TMEM52B: variants seen among roughly 807,000 people sequenced by gnomAD.
The protein encoded by TMEM52B is transmembrane protein 52B, also known as chromosome 12 open reading frame 59.
In TMEM52B, 11 loss-of-function variants were observed where a neutral mutation model predicts 16.1. The ratio of observed to expected loss-of-function variants is 0.68; its 90% CI spans 0.43 to 1.13. The LOEUF (loss-of-function observed/expected upper bound fraction) is 1.13. Among genes scored for constraint, TMEM52B ranks in the 50% most tolerant of loss-of-function variants. The probability of loss-of-function intolerance (pLI) is 0.00; values close to 1 mark genes in which losing one functional copy is unlikely to be tolerated. For synonymous variants in TMEM52B, 101 were observed against 93.8 expected (o/e 1.08, Z -0.45); for missense variants, 243 against 230.4 (o/e 1.05, Z -0.35).
chr12:10,190,269 G>A lies in TMEM52B; in HGVS notation c.*129G>A, dbSNP rs565863921. On this transcript the variant is annotated 3_prime_UTR_variant, in exon 5 of 5. Coordinates refer to ENST00000543484, the MANE Select transcript of TMEM52B (RefSeq NM_001384896.1). Reference sequence around the variant, plus strand: ...ACACCATCATTCTATGGGAAAGATGGTTCTTACTCTTCGTTCACAGGCCTT... The same window carrying A: ...ACACCATCATTCTATGGGAAAGATGATTCTTACTCTTCGTTCACAGGCCTT... 8.1e-6 allele frequency: 10 copies of A among 1,231,014 alleles called. No homozygotes were observed. The South Asian group carries it at 1.3e-4, about 16-fold the overall frequency. The allele number at this position is 1,231,014 out of a possible 1,614,324, so 76.3% of individuals were successfully genotyped here. A position where few individuals can be genotyped will look rare whatever the true frequency, so the allele number is the denominator to read the frequency against.
chr12:10,183,205 G>A (rs2137550057), intron 2 of TMEM52B, among the ~76,000 whole-genome samples: 1 of 152,186 alleles, frequency 6.6e-6, no homozygotes, highest in African/African-American at 2.4e-5. Flanking sequence ...ACGTGTTTAG[G>A]ATGAAGAAAA....
At chr12:10,180,741 T>G (rs987677940) in intron 1 of TMEM52B, among the ~76,000 whole-genome samples, 2 of 152,236 alleles carry the variant, frequency 1.3e-5, no homozygotes, top group African/African-American at 4.8e-5. Context: ...AAATATCAGA[T>G]CACTCAGGTT....
chr12:10,171,412 C>T (rs1948715563), intron 1 of TMEM52B, among the ~76,000 whole-genome samples: 1 of 152,146 alleles, frequency 6.6e-6, no homozygotes. Flanking sequence ...ACAGAACTTA[C>T]AATTTTTCAA....
At chr12:10,175,882 G>A (rs991703017), upstream of TMEM52B, among the ~76,000 whole-genome samples, 2 of 152,192 alleles carry the variant, frequency 1.3e-5, no homozygotes, top group African/African-American at 4.8e-5. Flanking sequence ...ACTTAGGCAA[G>A]GTCAAAAGGA....
intron 4 of TMEM52B, among the ~76,000 whole-genome samples, chr12:10,189,158 G>A (rs1948924817): frequency 6.8e-6 from 1 of 146,952 alleles, no homozygotes; most frequent in South Asian, 2.2e-4. Flanking sequence ...ACCCGAGATT[G>A]TGCCACTGCA....
At chr12:10,175,186 G>A (rs916166387), upstream of TMEM52B, 8 of 152,186 alleles carry the variant, frequency 5.3e-5, no homozygotes, top group African/African-American at 1.9e-4. Flanking sequence ...GTGCTGGAAT[G>A]TATGTGATCA....
chr12:10,188,899 C>T (rs1948918281), intron 4 of TMEM52B, among the ~76,000 whole-genome samples: 2 of 151,760 alleles, frequency 1.3e-5, no homozygotes, highest in Non-Finnish European at 2.9e-5. Context: ...CGCCTGTAGT[C>T]CCAGCTACTC....
chr12:10,176,647 G>T (rs975892599), upstream of TMEM52B, among the ~76,000 whole-genome samples: 2 of 152,192 alleles, frequency 1.3e-5, no homozygotes, highest in African/African-American at 4.8e-5. Context: ...AATCTTGAAA[G>T]TAAAGGTCAC....
At chr12:10,182,072 G>A in intron 1 of TMEM52B, 1 of 965,598 alleles carries the variant, frequency 1.0e-6, no homozygotes, top group Non-Finnish European at 1.2e-6. Flanking sequence ...CAGTCTGAGT[G>A]GCATCTAGTA....
At chr12:10,186,327 A>G (rs747893265) in intron 3 of TMEM52B, 93 bp from the exon 4 acceptor site, 9 of 917,926 alleles carry the variant, frequency 9.8e-6, no homozygotes, top group Non-Finnish European at 1.2e-5. Context: ...TGTTTAGACA[A>G]GAATCAAAAC....
chr12:10,172,466 T>C (rs1398912134), intron 1 of TMEM52B: 1 of 161,898 alleles, frequency 6.2e-6, no homozygotes, highest in Non-Finnish European at 1.4e-5. Context: ...TGGGCCAAAA[T>C]ATTTGATTCC....
chr12:10,188,556 A>AAAAC (rs1591993240), intron 4 of TMEM52B, among the ~76,000 whole-genome samples: 1 of 55,804 alleles, frequency 1.8e-5, no homozygotes, highest in Non-Finnish European at 4.2e-5. Flanking sequence ...AAAAAGAAAA[A>AAAAC]GAAAAAGAAA....
At chr12:10,186,278 A>T in intron 3 of TMEM52B, 142 bp from the exon 4 acceptor site, 1 of 532,590 alleles carries the variant, frequency 1.9e-6, no homozygotes, top group Non-Finnish European at 2.7e-6. Context: ...CCTTGAAATT[A>T]AAATTATAAA....
rs775548705 is a variant in TMEM52B at position 10,190,102 on chromosome 12, GAGA to G, written c.517_519del (p.Lys173del). ...TGAAGAAAAGCAGCTGCCTCCAACA[GAGA>G]AGGAGTCGACTCGAATAGTTGACTC... On this transcript the variant is annotated inframe_deletion, in exon 5 of 5. Coordinates refer to ENST00000543484, the MANE Select transcript of TMEM52B (RefSeq NM_001384896.1). The G allele has an allele frequency of 4.3e-6, 7 of 1,614,078 alleles. No individual in the cohort carries two copies. The highest frequency in any genetic ancestry group is 2.2e-5 in the East Asian group (1 of 44,900).
intron 4 of TMEM52B, 98 bp from the exon 5 acceptor site, chr12:10,189,798 A>G (rs1354229293): frequency 1.4e-5 from 21 of 1,506,908 alleles, no homozygotes; most frequent in African/African-American, 7.0e-5. Flanking sequence ...GGATACTTGT[A>G]AAAAATGAAG....
intron 4 of TMEM52B, among the ~76,000 whole-genome samples, chr12:10,189,619 G>A (rs7307431): frequency 0.34 from 42,949 of 127,812 alleles, 7,022 homozygotes; most frequent in Middle Eastern, 0.37. Flanking sequence ...GCAAAACTCC[G>A]TCTCAAAAAA....
intron 1 of TMEM52B, among the ~76,000 whole-genome samples, chr12:10,173,969 T>C (rs1266045806): frequency 1.3e-5 from 2 of 152,158 alleles, no homozygotes; most frequent in African/African-American, 2.4e-5. Flanking sequence ...CCACCATCCA[T>C]CTCCAGAACT....
chr12:10,178,500 G>A (rs9738986), upstream of TMEM52B, among the ~76,000 whole-genome samples: 27,810 of 145,968 alleles, frequency 0.19, 3,289 homozygotes, highest in African/African-American at 0.33. Context: ...TCCAGCCTGG[G>A]TGACAGAGCA....
In TMEM52B at chr12:10,188,542, G is replaced by GAAGAAA. The variant is rs71049059; in HGVS notation, c.308-1321_308-1316dup. Among the ~76,000 whole-genome samples, 314 of 75,182 alleles carry GAAGAAA rather than the reference G, an allele frequency of 4.2e-3. 2 individuals carry two copies. The highest frequency in any genetic ancestry group is 0.013 in the African/African-American group (285 of 22,462). The allele number at this position is 75,182 out of a possible 152,430, so 49.3% of individuals were successfully genotyped here. On this transcript the variant is annotated intron_variant, in intron 4 of 4. Coordinates refer to ENST00000543484, the MANE Select transcript of TMEM52B (RefSeq NM_001384896.1). ...GAAGGAAGGAAGGAAGGAAGGAAAA[G>GAAGAAA]AAGAAAAAGAAAAAGAAAAAGAAAA... is the stretch of plus-strand genomic sequence containing the variant.
Sources: allele counts gnomAD v4.1 joint callset (sites outside exome capture counted in the v4.1 genomes callset), GRCh38; gene constraint gnomAD v4.1.1; transcripts MANE v1.5; gene names NCBI Gene and HGNC (gene_info 2026-07-23, HGNC 2026-07-21).